Variants in OSBP2 observed in about 807,000 individuals in gnomAD.
The protein encoded by OSBP2 is oxysterol binding protein 2.
In OSBP2, 66 loss-of-function variants were observed where a neutral mutation model predicts 96.0. That is an observed-to-expected ratio of 0.69 (90% CI 0.56 to 0.84). The LOEUF (loss-of-function observed/expected upper bound fraction) is 0.84. OSBP2 is among the 40% of genes least tolerant of loss of function. The pLI, the probability that OSBP2 is intolerant of heterozygous loss-of-function variation, is 0.00. For synonymous variants in OSBP2, 525 were observed against 520.9 expected (o/e 1.01, Z -0.11); for missense variants, 1,038 against 1,222.7 (o/e 0.85, Z 2.25).
rs576347685 is a variant in OSBP2, at chr22:30,822,576, C to T, written c.854-47853C>T. Reference sequence around the variant, plus strand: ...CTGTGCACGCGTCCGTGCAAGCCCCCGGGACCCGGCGCCATGTAGCGCCCC... The same window carrying T: ...CTGTGCACGCGTCCGTGCAAGCCCCTGGGACCCGGCGCCATGTAGCGCCCC... On this transcript the variant is annotated intron_variant, in intron 2 of 13. Coordinates refer to ENST00000332585, the MANE Select transcript of OSBP2 (RefSeq NM_030758.4). The T allele has an allele frequency of 2.0e-5, 31 of 1,515,418 alleles. No homozygotes were observed. The East Asian group carries it at 6.7e-4, about 33-fold the overall frequency. The allele number at this position is 1,515,418 out of a possible 1,614,324, so 93.9% of individuals were successfully genotyped here.
Position 30,893,136 on chromosome 22 carries a change from C to T in OSBP2, c.1884C>T (p.Pro628=), listed in dbSNP as rs201667263. 5 of 1,614,040 alleles carry T rather than the reference C, an allele frequency of 3.1e-6. No homozygotes were observed. The highest frequency in any genetic ancestry group is 2.2e-5 in the East Asian group (1 of 44,880). The part of the protein sequence containing the change: ...RSLCEQVSHH[P]PSAAHYVFSK... The stretch of plus-strand genomic sequence containing the variant: ...TCTGGTCTCAGGTGAGCCACCACCC[C>T]CCCTCAGCTGCGCACTACGTGTTCT... The change falls in exon 9 of 14, where the codon CCC becomes CCT. Residue 628 remains proline, a synonymous_variant. Coordinates refer to ENST00000332585, the MANE Select transcript of OSBP2 (RefSeq NM_030758.4).
At chr22:30,786,093 G>A (rs1243763059) in intron 2 of OSBP2, among the ~76,000 whole-genome samples, 2 of 151,690 alleles carry the variant, frequency 1.3e-5, no homozygotes, top group East Asian at 1.9e-4. Flanking sequence ...GCACAATCTC[G>A]GCTCACTGCA....
intron 2 of OSBP2, among the ~76,000 whole-genome samples, chr22:30,783,700 T>C (rs1453925829): frequency 6.6e-6 from 1 of 152,160 alleles, no homozygotes; most frequent in Admixed American, 6.6e-5. Context: ...TGCCTGGTCA[T>C]GTAAAAGCTT....
intron 1 of OSBP2, among the ~76,000 whole-genome samples, chr22:30,722,394 C>T (rs184400936): frequency 6.6e-6 from 1 of 152,212 alleles, no homozygotes; most frequent in Non-Finnish European, 1.5e-5. Context: ...GGTCCACACT[C>T]AGTCAAATCC....
chr22:30,765,630 T>C (rs895341672), intron 2 of OSBP2, among the ~76,000 whole-genome samples: 1 of 152,246 alleles, frequency 6.6e-6, no homozygotes, highest in Admixed American at 6.5e-5. Flanking sequence ...GCTATCTCTC[T>C]TCCCCCATCT....
At chr22:30,838,701 T>C (rs574904474) in intron 2 of OSBP2, among the ~76,000 whole-genome samples, 2 of 152,312 alleles carry the variant, frequency 1.3e-5, no homozygotes, top group East Asian at 3.9e-4. Flanking sequence ...CCAGTGCTTT[T>C]TTTTTCTGTG....
At chr22:30,761,425 T>C (rs2090203515) in intron 2 of OSBP2, among the ~76,000 whole-genome samples, 1 of 152,120 alleles carries the variant, frequency 6.6e-6, no homozygotes. Context: ...TGTTAAATAC[T>C]GATGAAATAG....
intron 2 of OSBP2, among the ~76,000 whole-genome samples, chr22:30,868,511 G>A (rs2039394016): frequency 6.6e-6 from 1 of 152,240 alleles, no homozygotes; most frequent in Non-Finnish European, 1.5e-5. Context: ...CCCATCCCCA[G>A]GCAATAGATG....
intron 3 of OSBP2, among the ~76,000 whole-genome samples, chr22:30,880,793 G>T (rs757969893): frequency 6.6e-6 from 1 of 152,228 alleles, no homozygotes; most frequent in Non-Finnish European, 1.5e-5. Context: ...TCTTCCTGGG[G>T]TGCATCTGGG....
In OSBP2 at chr22:30,695,093, C is replaced by T. The variant is rs554020856; in HGVS notation, c.184C>T (p.Arg62Trp). Reference protein sequence around the residue: ...PQPQPVPEPERGPLSEQVSEA... With the variant: ...PQPQPVPEPEWGPLSEQVSEA... ...GCCCCAGCCCGTGCCCGAACCGGAG[C>T]GGGGACCGCTGTCAGAACAGGTGTC... The change falls in exon 1 of 14, where the codon CGG becomes TGG. Residue 62 changes from arginine (R) to tryptophan (W), a missense_variant. By Grantham distance (101) the Arg-to-Trp change is moderately radical. Coordinates refer to ENST00000332585, the MANE Select transcript of OSBP2 (RefSeq NM_030758.4). The T allele has an allele frequency of 4.4e-6, 7 of 1,579,908 alleles. No homozygotes were observed. The South Asian group carries it at 8.2e-5, about 18-fold the overall frequency.
intron 2 of OSBP2, among the ~76,000 whole-genome samples, chr22:30,782,510 A>G (rs1314380108): frequency 6.6e-6 from 1 of 152,182 alleles, no homozygotes; most frequent in African/African-American, 2.4e-5. Context: ...ATTTCATACA[A>G]ATGGGATTGT....
intron 2 of OSBP2, among the ~76,000 whole-genome samples, chr22:30,784,559 G>A (rs2090562035): frequency 6.6e-6 from 1 of 151,984 alleles, no homozygotes; most frequent in Non-Finnish European, 1.5e-5. Flanking sequence ...GTGCCCAGTT[G>A]ACAAGTATGC....
intron 1 of OSBP2, among the ~76,000 whole-genome samples, chr22:30,731,989 G>A (rs979809441): frequency 2.8e-4 from 42 of 152,086 alleles, no homozygotes; most frequent in Admixed American, 2.4e-3. Context: ...ATTATCAGCC[G>A]TTACCAATCA....
chr22:30,904,611 TAC>T (rs199617744), intron 12 of OSBP2, among the ~76,000 whole-genome samples: 21 of 151,080 alleles, frequency 1.4e-4, no homozygotes, highest in East Asian at 7.8e-4. Flanking sequence ...TATATATATA[TAC>T]ACACATTAGG....
intron 2 of OSBP2, among the ~76,000 whole-genome samples, chr22:30,797,533 C>T (rs892894244): frequency 7.9e-5 from 12 of 151,980 alleles, no homozygotes; most frequent in East Asian, 3.9e-4. Context: ...CAGCCCACCT[C>T]GGCCTCCCAA....
chr22:30,839,722 A>G (rs1364017306), intron 2 of OSBP2, among the ~76,000 whole-genome samples: 1 of 151,114 alleles, frequency 6.6e-6, no homozygotes, highest in Non-Finnish European at 1.5e-5. Context: ...GTTTGAGTTC[A>G]TTGTAGATTC....
Position 30,907,609 on chromosome 22 carries a change from G to A in OSBP2, c.*1270G>A, listed in dbSNP as rs1344616506. On this transcript the variant is annotated 3_prime_UTR_variant, in exon 14 of 14. Coordinates refer to ENST00000332585, the MANE Select transcript of OSBP2 (RefSeq NM_030758.4). ...CACAGGGTCTTTCTTTCTACTCCAG[G>A]ACTGGTTTTGTTTTTATATATATAA... 4.6e-5 allele frequency: 7 copies of A among 152,072 alleles called. No individual in the cohort carries two copies. The highest frequency in any genetic ancestry group is 1.0e-4 in the Non-Finnish European group (7 of 67,978). The allele number at this position is 152,072 out of a possible 1,614,324, so 9.4% of individuals were successfully genotyped here. A position where few individuals can be genotyped will look rare whatever the true frequency, so the allele number is the denominator to read the frequency against.
chr22:30,788,709 T>TTTTA (rs2090631246), intron 2 of OSBP2, among the ~76,000 whole-genome samples: 1 of 152,052 alleles, frequency 6.6e-6, no homozygotes, highest in African/African-American at 2.4e-5. Flanking sequence ...GGGTGAACAA[T>TTTTA]TTTATTTATT....
chr22:30,887,308 T>A (rs2039833323), intron 3 of OSBP2, 118 bp from the exon 4 acceptor site: 4 of 792,532 alleles, frequency 5.0e-6, no homozygotes, highest in African/African-American at 1.7e-5. Flanking sequence ...GCCCAGTAGG[T>A]TTCAGCCTCA....
Sources: allele counts gnomAD v4.1 joint callset (sites outside exome capture counted in the v4.1 genomes callset), GRCh38; gene constraint gnomAD v4.1.1; transcripts MANE v1.5; gene names NCBI Gene and HGNC (gene_info 2026-07-23, HGNC 2026-07-21).